LY75: variants seen among roughly 807,000 people sequenced by gnomAD.
LY75 encodes the protein C-type lectin domain family 13 member B.
LY75 carries 185 observed loss-of-function variants against 231.7 expected under a neutral mutation model. The observed-to-expected ratio is 0.80, with a 90% confidence interval of 0.71 to 0.90. The LOEUF is 0.90. LY75 is among the 40% of genes least tolerant of loss of function. The probability of loss-of-function intolerance (pLI) is 0.00; values close to 1 mark genes in which losing one functional copy is unlikely to be tolerated. For synonymous variants in LY75, 668 were observed against 689.0 expected (o/e 0.97, Z 0.48); for missense variants, 1,947 against 2,050.2 (o/e 0.95, Z 0.97).
chr2:159,895,001 AAAT>A (rs1685870643), intron 2 of LY75, among the ~76,000 whole-genome samples: 2 of 152,228 alleles, frequency 1.3e-5, no homozygotes, highest in Non-Finnish European at 2.9e-5. Context: ...TTAACAGATC[AAAT>A]AATGGCCATT....
chr2:159,860,439 A>G (rs537038051), intron 15 of LY75, among the ~76,000 whole-genome samples: 6 of 152,130 alleles, frequency 3.9e-5, no homozygotes, highest in African/African-American at 1.4e-4. Flanking sequence ...ACTTTCTCAT[A>G]CCATCCCCTC....
In LY75 at chr2:159,872,521, CT is replaced by C. The variant is rs758944704; in HGVS notation, c.2046del (p.Ala683HisfsTer12). On this transcript the variant is annotated frameshift_variant, in exon 13 of 35. Coordinates refer to ENST00000263636, the MANE Select transcript of LY75 (RefSeq NM_002349.4). LOFTEE classifies it high-confidence loss of function. ...ACATGGCTGAAGCTAGAAAGGTGTG[CT>C]CCAAGGGCTTGGCAGAATCGTTCAG... ...EEAERFCQALGAHLSSFSHVD... is the reference protein window; with the variant it reads ...EEAERFCQALXAHLSSFSHVD... The C allele has an allele frequency of 1.9e-6, 3 of 1,613,898 alleles. No individual in the cohort carries two copies. The highest frequency in any genetic ancestry group is 3.3e-5 in the Admixed American group (2 of 59,958).
chr2:159,814,123 G>A (rs1683046834), intron 31 of LY75: 1 of 152,206 alleles, frequency 6.6e-6, no homozygotes. Flanking sequence ...TTGAGAACCA[G>A]AGTCTTCGGA....
chr2:159,898,563 G>T, intron 2 of LY75, 125 bp downstream of exon 2: 1 of 1,444,214 alleles, frequency 6.9e-7, no homozygotes. Context: ...ACAGTGCCTG[G>T]AAGTGAAGAG....
Position 159,843,875 on chromosome 2 carries a change from T to C in LY75, c.3151-1501A>G, listed in dbSNP as rs76624447. 7.8e-3 allele frequency among the ~76,000 whole-genome samples: 1,192 copies of C among 152,322 alleles called. 12 individuals carry two copies. Among genetic ancestry groups the C allele is most frequent in the African/African-American group, 0.027 (1,131 of 41,592 alleles). ...GTAATTACCCTGATCAGATTGTTTA[T>C]ACAACACATGCATGCATTGAAACAT... is the stretch of plus-strand genomic sequence containing the variant. On this transcript the variant is annotated intron_variant, in intron 23 of 34. Coordinates refer to ENST00000263636, the MANE Select transcript of LY75 (RefSeq NM_002349.4).
At position 159,835,569 on chromosome 2, in the gene LY75, T is replaced by C. The variant is rs767630675; in HGVS notation, c.3584A>G (p.Glu1195Gly). The C allele has an allele frequency of 6.2e-7, 1 of 1,613,768 alleles. No individual in the cohort carries two copies. The highest frequency in any genetic ancestry group is 2.2e-5 in the East Asian group (1 of 44,870). Residue 1195 changes from glutamate to glycine, a missense_variant, in exon 26 of 35, where the codon GAA becomes GGA. By Grantham distance (98) the Glu-to-Gly change is moderately conservative. Coordinates refer to ENST00000263636, the MANE Select transcript of LY75 (RefSeq NM_002349.4). The part of the protein sequence containing the change: ...SRWAETNGQL[E>G]DCVVLDTDGF... The stretch of plus-strand genomic sequence containing the variant: ...ATCAGTGTCTAATACTACACAGTCT[T>C]CGAGTTGCCCATTAGTTTCAGCCCA...
At chr2:159,879,815 A>G (rs1211295846) in intron 8 of LY75, among the ~76,000 whole-genome samples, 1 of 152,216 alleles carries the variant, frequency 6.6e-6, no homozygotes, top group Non-Finnish European at 1.5e-5. Flanking sequence ...CATGAATTCT[A>G]GGTCAAAAGT....
At chr2:159,808,175 A>G in intron 33 of LY75, 1 of 952,732 alleles carries the variant, frequency 1.0e-6, no homozygotes, top group Non-Finnish European at 1.2e-6. Context: ...AAATGTCCTG[A>G]TGTTGATCCA....
chr2:159,850,314 C>T lies in LY75; in HGVS notation c.2989+48G>A, dbSNP rs781293389. The T allele has an allele frequency of 4.4e-6, 7 of 1,602,174 alleles. No homozygotes were observed. The South Asian group carries it at 7.8e-5, about 18-fold the overall frequency. On this transcript the variant is annotated intron_variant, in intron 22 of 34. Coordinates refer to ENST00000263636, the MANE Select transcript of LY75 (RefSeq NM_002349.4). ...ATTCCCCATAGCCTCCTAAAACTAA[C>T]CTGGCCCCAGATCAGAATAAAACAT... is the stretch of plus-strand genomic sequence containing the variant.
intron 24 of LY75, 39 bp from the exon 25 acceptor site, chr2:159,840,994 C>G: frequency 6.2e-7 from 1 of 1,603,056 alleles, no homozygotes; most frequent in Non-Finnish European, 8.5e-7. Context: ...ACAAACCCTT[C>G]CCCACACTCT....
chr2:159,808,051 C>T, intron 33 of LY75: 1 of 969,622 alleles, frequency 1.0e-6, no homozygotes, highest in Non-Finnish European at 1.2e-6. Context: ...AAGAAGATAA[C>T]TTTCTGAATA....
At chr2:159,834,478 C>T (rs896653262) in intron 26 of LY75, among the ~76,000 whole-genome samples, 6 of 152,172 alleles carry the variant, frequency 3.9e-5, no homozygotes, top group Admixed American at 2.6e-4. Flanking sequence ...CAGTTTCTGT[C>T]TTCCTGCATT....
intron 26 of LY75, among the ~76,000 whole-genome samples, chr2:159,834,677 AAAAAT>A (rs1302700650): frequency 6.6e-6 from 1 of 152,250 alleles, no homozygotes; most frequent in African/African-American, 2.4e-5. Flanking sequence ...CAAGTCAAAC[AAAAAT>A]AATATTTAAA....
chr2:159,898,427 T>G (rs1047160206), intron 2 of LY75, among the ~76,000 whole-genome samples: 2 of 151,850 alleles, frequency 1.3e-5, no homozygotes, highest in Non-Finnish European at 2.9e-5. Context: ...ATCTATCTGA[T>G]GAAATCCCAG....
chr2:159,891,033 G>A (rs938409774), intron 3 of LY75, among the ~76,000 whole-genome samples: 3 of 152,100 alleles, frequency 2.0e-5, no homozygotes, highest in African/African-American at 7.2e-5. Context: ...TTTCCTGAAT[G>A]AGAAATAAAA....
In LY75 at chr2:159,847,236, A is replaced by C. The variant is rs531371263; in HGVS notation, c.3150+2744T>G. Among the ~76,000 whole-genome samples, 3 of 152,150 alleles carry C rather than the reference A, an allele frequency of 2.0e-5. No homozygotes were observed. The East Asian group carries it at 5.8e-4, about 29-fold the overall frequency. On this transcript the variant is annotated intron_variant, in intron 23 of 34. Transcript: ENST00000263636. ...ACTGTGTTGCCCAGGCTGGTCTCGA[A>C]CTCCTGAGCTCAGGCAATCCGCCCA...
chr2:159,830,502 A>T (rs1328021174), intron 28 of LY75, among the ~76,000 whole-genome samples: 1 of 151,894 alleles, frequency 6.6e-6, no homozygotes, highest in Non-Finnish European at 1.5e-5. Context: ...AAATTTTGTT[A>T]TCAATCATAT....
chr2:159,852,431 T>G, intron 20 of LY75, 91 bp from the exon 21 acceptor site: 3 of 1,521,524 alleles, frequency 2.0e-6, no homozygotes, highest in Non-Finnish European at 1.8e-6. Context: ...TGTTTTTTTT[T>G]TTTTGAGACA....
At chr2:159,865,662 G>A (rs1684835986) in intron 13 of LY75, among the ~76,000 whole-genome samples, 1 of 152,166 alleles carries the variant, frequency 6.6e-6, no homozygotes, top group Non-Finnish European at 1.5e-5. Flanking sequence ...TCAGAGAAAG[G>A]AGAGGTCACT....
Sources: gnomAD v4.1 joint callset for allele counts (sites outside exome capture counted in the v4.1 genomes callset) on GRCh38, gnomAD v4.1.1 for gene constraint, MANE v1.5 for transcripts, NCBI Gene and HGNC (gene_info 2026-07-23, HGNC 2026-07-21) for gene names.